Variants in TPST1 observed in about 807,000 individuals in gnomAD.
TPST1 encodes tyrosylprotein sulfotransferase 1.
TPST1 carries 20 observed loss-of-function variants against 34.8 expected under a neutral mutation model. That is an observed-to-expected ratio of 0.57 (90% CI 0.40 to 0.84). TPST1 has a LOEUF of 0.84. Ranked by LOEUF, TPST1 falls within the 40% of genes least tolerant of loss-of-function variation. The pLI is 0.00. For missense variants in TPST1, 353 were observed against 455.5 expected (o/e 0.78, Z 2.05); for synonymous variants, 152 against 159.4 (o/e 0.95, Z 0.35).
intron 1 of TPST1, among the ~76,000 whole-genome samples, chr7:66,233,665 T>C (rs1294968863): frequency 1.3e-5 from 2 of 152,216 alleles, no homozygotes; most frequent in Non-Finnish European, 2.9e-5. Context: ...TTGGCTAGAA[T>C]GAGATTTTAT....
At chr7:66,308,284 A>G (rs552039003) in intron 3 of TPST1, among the ~76,000 whole-genome samples, 1 of 152,154 alleles carries the variant, frequency 6.6e-6, no homozygotes, top group Non-Finnish European at 1.5e-5. Context: ...AGGGTTCTAT[A>G]CTGTGATTTA....
chr7:66,286,470 A>C lies in TPST1; in HGVS notation c.846-41A>C, dbSNP rs199978726. ...TGGTTTTAAAGCATGATTTTCTAAA[A>C]AATTTTAAATAAATATTTATTCATA... On this transcript the variant is annotated intron_variant, in intron 2 of 5. Coordinates refer to ENST00000304842, the MANE Select transcript of TPST1 (RefSeq NM_003596.4). 5.0e-6 allele frequency: 7 copies of C among 1,391,274 alleles called. No individual in the cohort carries two copies. In the Admixed American group the frequency reaches 8.3e-5, roughly 16 times the overall value. The allele number at this position is 1,391,274 out of a possible 1,614,324, so 86.2% of individuals were successfully genotyped here.
At chr7:66,314,772 T>C (rs2116149188) in intron 3 of TPST1, among the ~76,000 whole-genome samples, 1 of 152,314 alleles carries the variant, frequency 6.6e-6, no homozygotes, top group African/African-American at 2.4e-5. Context: ...CTGAATATTG[T>C]AGGCAGTTGT....
intron 2 of TPST1, among the ~76,000 whole-genome samples, chr7:66,247,784 G>T (rs1382661847): frequency 6.6e-6 from 1 of 152,146 alleles, no homozygotes; most frequent in Non-Finnish European, 1.5e-5. Context: ...CCTAACTGTG[G>T]TTTACAGAAT....
intron 3 of TPST1, among the ~76,000 whole-genome samples, chr7:66,316,874 AGAACACATG>A (rs1389458766): frequency 6.6e-6 from 1 of 152,226 alleles, no homozygotes; most frequent in Admixed American, 6.5e-5. Context: ...CTAAATGATG[AGAACACATG>A]GACACATGGC....
intron 2 of TPST1, among the ~76,000 whole-genome samples, chr7:66,270,246 G>A (rs1340758207): frequency 6.6e-6 from 1 of 152,184 alleles, no homozygotes; most frequent in Non-Finnish European, 1.5e-5. Flanking sequence ...GAACAAGGGA[G>A]TGTGTGAAGG....
chr7:66,333,071 G>T (rs1792027616), intron 3 of TPST1, among the ~76,000 whole-genome samples: 1 of 152,124 alleles, frequency 6.6e-6, no homozygotes, highest in African/African-American at 2.4e-5. Flanking sequence ...TTAGGTTTTT[G>T]AAACTTCACA....
intron 2 of TPST1, among the ~76,000 whole-genome samples, chr7:66,269,746 G>C (rs1790667749): frequency 6.6e-6 from 1 of 152,170 alleles, no homozygotes; most frequent in Non-Finnish European, 1.5e-5. Context: ...ATGGTAATAA[G>C]CGCTTTGAAA....
chr7:66,252,604 A>G (rs773017230), intron 2 of TPST1, among the ~76,000 whole-genome samples: 21 of 152,176 alleles, frequency 1.4e-4, no homozygotes, highest in Non-Finnish European at 3.1e-4. Context: ...AAGTGCTGGG[A>G]TTACAGGCGT....
At chr7:66,227,813 A>C (rs149586284) in intron 1 of TPST1, among the ~76,000 whole-genome samples, 2 of 152,120 alleles carry the variant, frequency 1.3e-5, no homozygotes, top group East Asian at 3.9e-4. Flanking sequence ...AATCAAGCAC[A>C]CTTCACCCTC....
intron 3 of TPST1, among the ~76,000 whole-genome samples, chr7:66,337,873 G>T (rs914453570): frequency 6.6e-6 from 1 of 152,028 alleles, no homozygotes; most frequent in African/African-American, 2.4e-5. Flanking sequence ...CAAAATCAAA[G>T]CACGCTGCTA....
intron 3 of TPST1, among the ~76,000 whole-genome samples, chr7:66,296,242 A>AC (rs1440222556): frequency 1.0e-3 from 62 of 61,560 alleles, no homozygotes; most frequent in East Asian, 1.5e-3. Context: ...AAAAACACCC[A>AC]CCCTTCCCCC....
chr7:66,351,081 T>A (rs1204523193), intron 3 of TPST1, among the ~76,000 whole-genome samples: 2 of 152,196 alleles, frequency 1.3e-5, no homozygotes, highest in African/African-American at 2.4e-5. Context: ...TCAGCTTCTC[T>A]CTCTCAATCA....
chr7:66,344,809 C>T (rs1003134909), intron 3 of TPST1, among the ~76,000 whole-genome samples: 1 of 150,574 alleles, frequency 6.6e-6, no homozygotes, highest in Non-Finnish European at 1.5e-5. Context: ...CTGCAAGCTC[C>T]GCCTCCTGGG....
chr7:66,215,871 C>A (rs972040166), intron 1 of TPST1, among the ~76,000 whole-genome samples: 1 of 148,378 alleles, frequency 6.7e-6, no homozygotes, highest in Non-Finnish European at 1.5e-5. Flanking sequence ...CTCCTGGGTT[C>A]ACGCCATTCT....
chr7:66,300,693 C>T (rs1791296673), intron 3 of TPST1, among the ~76,000 whole-genome samples: 1 of 152,132 alleles, frequency 6.6e-6, no homozygotes, highest in Non-Finnish European at 1.5e-5. Flanking sequence ...AACCTGTAAT[C>T]CCAGCACTTT....
intron 1 of TPST1, among the ~76,000 whole-genome samples, chr7:66,212,499 G>A (rs1205145521): frequency 1.4e-5 from 2 of 147,044 alleles, no homozygotes; most frequent in Non-Finnish European, 3.0e-5. Flanking sequence ...CTACTCTGTC[G>A]CCCAGGCTGG....
At chr7:66,203,206 AACACAC>A (rs761811361), upstream of TPST1, among the ~76,000 whole-genome samples, 23 of 149,206 alleles carry the variant, frequency 1.5e-4, no homozygotes, top group African/African-American at 4.2e-4. Context: ...TATACACACA[AACACAC>A]ACACACACAC....
At chr7:66,346,501 T>C (rs1792355336) in intron 3 of TPST1, among the ~76,000 whole-genome samples, 1 of 152,178 alleles carries the variant, frequency 6.6e-6, no homozygotes, top group Non-Finnish European at 1.5e-5. Flanking sequence ...TTATTGCCTG[T>C]CTTTTGGATA....
Sources: gnomAD v4.1 joint callset for allele counts (sites outside exome capture counted in the v4.1 genomes callset) on GRCh38, gnomAD v4.1.1 for gene constraint, MANE v1.5 for transcripts, NCBI Gene and HGNC (gene_info 2026-07-23, HGNC 2026-07-21) for gene names.